The following IL17RB variants were observed in gnomAD, a reference collection of about 807,000 sequenced individuals.
The protein encoded by IL17RB is interleukin 17 receptor B.
IL17RB carries 36 observed loss-of-function variants against 43.9 expected under a neutral mutation model. The observed-to-expected ratio is 0.82, with a 90% CI of 0.63 to 1.08. IL17RB has a LOEUF of 1.08. Ranked by LOEUF, IL17RB falls within the 50% of genes least tolerant of loss-of-function variation. The pLI, the probability that IL17RB is intolerant of heterozygous loss-of-function variation, is 0.00. For missense variants in IL17RB, 613 were observed against 613.6 expected, an observed-to-expected ratio of 1.00 and a Z score of 0.01; for synonymous variants, 225 against 225.4, an observed-to-expected ratio of 1.00 and a Z score of 0.02.
Position 53,855,298 on chromosome 3 carries a change from C to T in IL17RB, c.486C>T (p.Cys162=). 1 of 1,605,734 alleles carries T rather than the reference C, an allele frequency of 6.2e-7. No homozygotes were observed. Among genetic ancestry groups the T allele is most frequent in the South Asian group, 1.1e-5 (1 of 90,392 alleles). The change falls in exon 6 of 11, where the codon TGC becomes TGT. Residue 162 remains cysteine (C), a synonymous_variant. Transcript: ENST00000288167. ...SMSVNFTSPG[C]LDHIMKYKKK... is the part of the protein sequence containing the mutation. ...AACTTTCATTCAAATTTCCAGGCTG[C>T]CTAGACCACATAATGAAATATAAAA...
chr3:53,850,482 A>G (rs1256606897), intron 3 of IL17RB, among the ~76,000 whole-genome samples: 1 of 144,978 alleles, frequency 6.9e-6, no homozygotes, highest in Non-Finnish European at 1.5e-5. Context: ...CCTGGGCAAC[A>G]GAGTGAAACT....
At chr3:53,851,436 G>A (rs1037050477) in intron 3 of IL17RB, among the ~76,000 whole-genome samples, 1 of 152,182 alleles carries the variant, frequency 6.6e-6, no homozygotes, top group Non-Finnish European at 1.5e-5. Context: ...AAGGGTTTGG[G>A]CCCTTACCTG....
intron 2 of IL17RB, 32 bp from the exon 3 acceptor site, chr3:53,849,623 G>C (rs1699059610): frequency 6.4e-7 from 1 of 1,566,710 alleles, no homozygotes; most frequent in Non-Finnish European, 8.7e-7. Flanking sequence ...GGCTGGGAAA[G>C]ACAGTGTCAT....
Position 53,846,618 on chromosome 3 carries a change from G to C in IL17RB, c.30G>C (p.Ala10=). MSLVLLSLA[A]LCRSAVPREP... The stretch of plus-strand genomic sequence containing the variant: ...CGCTCGTGCTGCTAAGCCTGGCCGC[G>C]CTGTGCAGGAGCGCCGTACCCCGAG... The change falls in exon 1 of 11, where the codon GCG becomes GCC. Residue 10 remains alanine, a synonymous_variant. Transcript: ENST00000288167. The C allele has an allele frequency of 6.3e-7, 1 of 1,592,404 alleles. No individual in the cohort carries two copies. Among genetic ancestry groups the C allele is most frequent in the Non-Finnish European group, 8.5e-7 (1 of 1,172,882 alleles).
At chr3:53,861,409 C>T (rs1699559918) in intron 10 of IL17RB, 1 of 151,856 alleles carries the variant, frequency 6.6e-6, no homozygotes, top group African/African-American at 2.4e-5. Flanking sequence ...AGCGTAAGGA[C>T]CATAGTCAAA....
intron 5 of IL17RB, 58 bp downstream of exon 5, chr3:53,853,055 A>G: frequency 1.2e-6 from 2 of 1,604,526 alleles, no homozygotes; most frequent in Middle Eastern, 1.8e-4. Context: ...GCTTTGCGAT[A>G]TGCACAGAGA....
chr3:53,851,901 C>A, intron 3 of IL17RB, 98 bp from the exon 4 acceptor site: 1 of 1,371,568 alleles, frequency 7.3e-7, no homozygotes. Context: ...GAATATGAAC[C>A]GAGACATAAA....
At chr3:53,857,289 T>TG (rs896266642) in intron 7 of IL17RB, among the ~76,000 whole-genome samples, 6 of 152,158 alleles carry the variant, frequency 3.9e-5, no homozygotes, top group Non-Finnish European at 5.9e-5. Context: ...TCATAATTTT[T>TG]GGGGGGCGGA....
chr3:53,865,069 C>T lies in IL17RB; in HGVS notation c.1270C>T (p.Pro424Ser), dbSNP rs1221101006. The change falls in exon 11 of 11, where the codon CCC becomes TCC. Residue 424 changes from proline to serine, a missense_variant. Pro to Ser is a moderately conservative substitution (Grantham distance 74). Transcript: ENST00000288167. ...SPSENSQDLF[P>S]LAFNLFCSDL... ...CAGTGAGAACTCTCAAGACCTCTTCCCCCTTGCCTTTAACCTTTTCTGCAG... is the reference window on the plus strand; with the variant it reads ...CAGTGAGAACTCTCAAGACCTCTTCTCCCTTGCCTTTAACCTTTTCTGCAG... The T allele has an allele frequency of 2.5e-6, 4 of 1,614,140 alleles. No individual in the cohort carries two copies. The highest frequency in any genetic ancestry group is 3.4e-6 in the Non-Finnish European group (4 of 1,179,990).
intron 3 of IL17RB, among the ~76,000 whole-genome samples, chr3:53,850,054 C>T (rs185333559): frequency 3.3e-5 from 5 of 152,318 alleles, no homozygotes; most frequent in African/African-American, 7.2e-5. Context: ...TCTGTAACTA[C>T]GTACAACAAT....
chr3:53,856,966 G>T lies in IL17RB; in HGVS notation c.652G>T (p.Gly218Trp), dbSNP rs371947996. Residue 218 changes from glycine to tryptophan, a missense_variant, in exon 7 of 11, where the codon GGG becomes TGG. Physicochemically the swap from Gly to Trp is radical, Grantham distance 184. Transcript: ENST00000288167. ...TCTTATCCAACACAGCACTATCATC[G>T]GGTTTTCTCAGGTGTTTGAGGTACT... ...MALIQHSTII[G>W]FSQVFEPHQK... The T allele has an allele frequency of 2.5e-6, 4 of 1,614,038 alleles. No individual in the cohort carries two copies. The highest frequency in any genetic ancestry group is 3.4e-6 in the Non-Finnish European group (4 of 1,180,028).
chr3:53,858,823 G>A lies in IL17RB; in HGVS notation c.847+5G>A. The A allele has an allele frequency of 6.2e-7, 1 of 1,609,068 alleles. No homozygotes were observed. ...TCCCTTTCCCTCTGGATAACAGTAA[G>A]TGCCCAGTAACTTCAACCAGATGAT... On this transcript the variant is annotated splice_donor_5th_base_variant and intron_variant, in intron 9 of 10. Transcript: ENST00000288167.
intron 9 of IL17RB, chr3:53,859,044 C>T: frequency 2.2e-6 from 1 of 445,478 alleles, no homozygotes; most frequent in South Asian, 4.3e-5. Flanking sequence ...CTTTACAAAG[C>T]AGGATACACA....
At position 53,848,701 on chromosome 3, in the gene IL17RB, G is replaced by A; in HGVS notation, c.85+13G>A. Reference sequence around the variant, plus strand: ...GGCTCTGAAACTGGTAGGTGCATTAGAGAATGGGTATTTGGGGCTTTACAT... The same window carrying A: ...GGCTCTGAAACTGGTAGGTGCATTAAAGAATGGGTATTTGGGGCTTTACAT... On this transcript the variant is annotated intron_variant, in intron 2 of 10. Coordinates refer to ENST00000288167, the MANE Select transcript of IL17RB (RefSeq NM_018725.4). 1.2e-6 allele frequency: 2 copies of A among 1,613,940 alleles called. No homozygotes were observed. Among genetic ancestry groups the A allele is most frequent in the South Asian group, 1.1e-5 (1 of 91,080 alleles).
intron 7 of IL17RB, among the ~76,000 whole-genome samples, 164 bp downstream of exon 7, chr3:53,857,150 A>G (rs1699367419): frequency 6.6e-6 from 1 of 152,194 alleles, no homozygotes; most frequent in African/African-American, 2.4e-5. Flanking sequence ...GTGAACCTCA[A>G]ACCATAGAAA....
intron 8 of IL17RB, 56 bp downstream of exon 8, chr3:53,857,746 A>C: frequency 6.9e-7 from 1 of 1,442,320 alleles, no homozygotes; most frequent in Non-Finnish European, 9.8e-7. Flanking sequence ...CTGTTCCATC[A>C]TTCATTGCTT....
At chr3:53,862,602 C>T (rs1448688839) in intron 10 of IL17RB, among the ~76,000 whole-genome samples, 1 of 152,184 alleles carries the variant, frequency 6.6e-6, no homozygotes, top group East Asian at 1.9e-4. Context: ...CAGATAACCA[C>T]ACTAGAGGAA....
At chr3:53,849,135 T>C (rs1029552619) in intron 2 of IL17RB, among the ~76,000 whole-genome samples, 1 of 151,324 alleles carries the variant, frequency 6.6e-6, no homozygotes, top group Non-Finnish European at 1.5e-5. Flanking sequence ...GGTTAGGAGG[T>C]GGGAAAGTGG....
intron 8 of IL17RB, 73 bp from the exon 9 acceptor site, chr3:53,858,646 T>A: frequency 6.4e-7 from 1 of 1,569,928 alleles, no homozygotes; most frequent in Admixed American, 1.8e-5. Flanking sequence ...AAGTTTTGGC[T>A]GAAGTAGGAG....
Sources: allele counts gnomAD v4.1 joint callset (sites outside exome capture counted in the v4.1 genomes callset), GRCh38; gene constraint gnomAD v4.1.1; transcripts MANE v1.5; gene names NCBI Gene and HGNC (gene_info 2026-07-23, HGNC 2026-07-21).